The following CYP20A1 variants were observed in gnomAD, a reference collection of about 807,000 sequenced individuals.
The protein encoded by CYP20A1 is cytochrome P450 20A1.
Under a neutral mutation model 61.4 loss-of-function variants are expected in CYP20A1, and 61 were observed. The ratio of observed to expected loss-of-function variants is 0.99; its 90% CI spans 0.81 to 1.23. The LOEUF (loss-of-function observed/expected upper bound fraction) is 1.23. Ranked by LOEUF, CYP20A1 falls within the 50% of genes most tolerant of loss-of-function variation. The pLI is 0.00. For missense variants in CYP20A1, 530 were observed against 542.4 expected (o/e 0.98, Z 0.23); for synonymous variants, 193 against 188.2 (o/e 1.03, Z -0.21).
chr2:203,251,063 CAAAAAAAAA>C (rs35304069), intron 3 of CYP20A1, among the ~76,000 whole-genome samples: 6 of 50,284 alleles, frequency 1.2e-4, no homozygotes, highest in African/African-American at 1.9e-4. Context: ...GATTCTGTCT[CAAAAAAAAA>C]AAAAAAAAAA....
chr2:203,251,695 G>A (rs1318797958), intron 3 of CYP20A1, among the ~76,000 whole-genome samples: 2 of 146,966 alleles, frequency 1.4e-5, no homozygotes, highest in South Asian at 2.2e-4. Flanking sequence ...CTTGAAACTC[G>A]GAGGCGGAGG....
At position 203,305,226 on chromosome 2, in the gene CYP20A1, G is replaced by T. The variant is rs12615522; in HGVS notation, c.*8318G>T. Among the ~76,000 whole-genome samples, 13,735 of 115,132 alleles carry T rather than the reference G, an allele frequency of 0.12. 1,236 individuals carry two copies. The highest frequency in any genetic ancestry group is 0.53 in the East Asian group (2,106 of 3,984). 75.5% of individuals were successfully genotyped at this position (115,132 alleles called of 152,430 possible). ...TTTTTTTTTTTTTTTTTTTGAGACC[G>T]AGTCTCCCTCTGTCACCAGGCTGGA... On this transcript the variant is annotated 3_prime_UTR_variant, in exon 13 of 13. Coordinates refer to ENST00000356079, the MANE Select transcript of CYP20A1 (RefSeq NM_177538.3).
Position 203,244,818 on chromosome 2 carries a change from C to T in CYP20A1, c.73-1028C>T, listed in dbSNP as rs1051203884. On this transcript the variant is annotated intron_variant, in intron 1 of 12. Transcript: ENST00000356079. ...CGCGATCTAGGCTCACTGCAAGCTC[C>T]GCCTCCCAGGTTCACGCCATTCTCC... 3.3e-5 allele frequency among the ~76,000 whole-genome samples: 5 copies of T among 151,014 alleles called. No homozygotes were observed. The East Asian group carries it at 9.8e-4, about 29-fold the overall frequency.
At chr2:203,276,932 C>G (rs1477104801) in intron 6 of CYP20A1, among the ~76,000 whole-genome samples, 1 of 152,094 alleles carries the variant, frequency 6.6e-6, no homozygotes, top group African/African-American at 2.4e-5. Flanking sequence ...TGTCCTTGAG[C>G]ATTTCATTAC....
At chr2:203,286,869 G>A (rs1452068728) in intron 9 of CYP20A1, among the ~76,000 whole-genome samples, 1 of 151,900 alleles carries the variant, frequency 6.6e-6, no homozygotes, top group Non-Finnish European at 1.5e-5. Flanking sequence ...TGGGTTAGAA[G>A]TCTGAGACTG....
intron 8 of CYP20A1, among the ~76,000 whole-genome samples, chr2:203,282,729 ATAAG>A (rs2068094928): frequency 2.6e-5 from 4 of 152,136 alleles, no homozygotes; most frequent in Admixed American, 2.0e-4. Context: ...GAGTAGATAA[ATAAG>A]AAACCTTAAT....
At chr2:203,258,467 C>A (rs1478177648) in intron 4 of CYP20A1, among the ~76,000 whole-genome samples, 3 of 151,458 alleles carry the variant, frequency 2.0e-5, no homozygotes, top group Non-Finnish European at 4.4e-5. Context: ...GAAACTCACA[C>A]TTTCCATTTA....
chr2:203,257,012 A>AT (rs566947660), intron 4 of CYP20A1, among the ~76,000 whole-genome samples: 90 of 151,406 alleles, frequency 5.9e-4, no homozygotes, highest in Non-Finnish European at 9.6e-4. Context: ...TAAAATTAAG[A>AT]TTTTTTTTTG....
chr2:203,294,467 C>G (rs192443008), intron 11 of CYP20A1, among the ~76,000 whole-genome samples: 1 of 151,750 alleles, frequency 6.6e-6, no homozygotes, highest in Non-Finnish European at 1.5e-5. Context: ...TTGCAGTGAG[C>G]CGAGGTCATG....
intron 11 of CYP20A1, among the ~76,000 whole-genome samples, chr2:203,292,604 G>A (rs942066783): frequency 6.6e-6 from 1 of 152,038 alleles, no homozygotes; most frequent in Non-Finnish European, 1.5e-5. Flanking sequence ...GACCACAGGC[G>A]CGTGCTGCCA....
intron 11 of CYP20A1, among the ~76,000 whole-genome samples, chr2:203,292,946 C>T (rs60090852): frequency 6.6e-5 from 10 of 151,936 alleles, no homozygotes; most frequent in East Asian, 3.9e-4. Context: ...GAGGCTGAGG[C>T]GGGCGGATCA....
intron 3 of CYP20A1, among the ~76,000 whole-genome samples, chr2:203,247,186 C>T (rs1000881980): frequency 3.3e-5 from 5 of 151,842 alleles, no homozygotes; most frequent in East Asian, 1.9e-4. Context: ...TCTTGAACCC[C>T]GGGGGCGGAG....
At position 203,301,799 on chromosome 2, in the gene CYP20A1, C is replaced by G. The variant is rs1035038477; in HGVS notation, c.*4891C>G. Among the ~76,000 whole-genome samples the G allele has an allele frequency of 2.6e-5, 4 of 151,586 alleles. No individual in the cohort carries two copies. The highest frequency in any genetic ancestry group is 9.7e-5 in the African/African-American group (4 of 41,214). On this transcript the variant is annotated 3_prime_UTR_variant, in exon 13 of 13. Transcript: ENST00000356079. ...AAATAGTTTGTATAAAAAGTCTTTA[C>G]TGCTTTATTATGAAATAATAATGTT...
chr2:203,280,140 G>C, intron 8 of CYP20A1, 27 bp downstream of exon 8: 1 of 1,561,552 alleles, frequency 6.4e-7, no homozygotes, highest in Non-Finnish European at 8.8e-7. Context: ...TTCTTTTTCA[G>C]AGGAATTACT....
chr2:203,272,491 A>G (rs547591352), intron 5 of CYP20A1, among the ~76,000 whole-genome samples, 179 bp from the exon 6 acceptor site: 1 of 141,332 alleles, frequency 7.1e-6, no homozygotes, highest in East Asian at 2.3e-4. Flanking sequence ...GCAGTGAGCT[A>G]TGATCGTGCC....
chr2:203,251,940 C>G (rs1222513267), intron 3 of CYP20A1, 27 bp from the exon 4 acceptor site: 1 of 1,503,392 alleles, frequency 6.7e-7, no homozygotes. Flanking sequence ...TATTTTGATA[C>G]AGAAATATTT....
chr2:203,280,164 G>T (rs770323626), intron 8 of CYP20A1, 51 bp downstream of exon 8: 3 of 1,424,370 alleles, frequency 2.1e-6, no homozygotes, highest in South Asian at 1.3e-5. Context: ...TATATAGGCT[G>T]AGCACAGTGG....
At chr2:203,287,394 G>T (rs964559649) in intron 9 of CYP20A1, among the ~76,000 whole-genome samples, 1 of 151,978 alleles carries the variant, frequency 6.6e-6, no homozygotes, top group African/African-American at 2.4e-5. Flanking sequence ...AGGTTCCTTT[G>T]TAAATGTGCC....
chr2:203,285,887 T>TA lies in CYP20A1; in HGVS notation c.971+159dup, dbSNP rs1448142151. Among the ~76,000 whole-genome samples the TA allele has an allele frequency of 8.5e-5, 13 of 152,350 alleles. No homozygotes were observed. The East Asian group carries it at 2.3e-3, about 27-fold the overall frequency. On this transcript the variant is annotated intron_variant, in intron 9 of 12. Coordinates refer to ENST00000356079, the MANE Select transcript of CYP20A1 (RefSeq NM_177538.3). ...TTATTAGGTAAATGAATCTGCTTTT[T>TA]AAAATCATAAGGTTGTGTGGGAAAT...
Sources: allele counts gnomAD v4.1 joint callset (sites outside exome capture counted in the v4.1 genomes callset), GRCh38; gene constraint gnomAD v4.1.1; transcripts MANE v1.5; gene names NCBI Gene and HGNC (gene_info 2026-07-23, HGNC 2026-07-21).